The following DNAH3 variants were observed in gnomAD, a reference collection of about 807,000 sequenced individuals.
DNAH3 encodes the protein dynein axonemal heavy chain 3.
Under a neutral mutation model 432.5 loss-of-function variants are expected in DNAH3, and 332 were observed. That is an observed-to-expected ratio of 0.77 (90% confidence interval 0.70 to 0.84). The LOEUF (loss-of-function observed/expected upper bound fraction) is 0.84. DNAH3 is among the 40% of genes least tolerant of loss of function. DNAH3 has a pLI of 0.00. For missense variants in DNAH3, 4,861 were observed against 5,114.0 expected (o/e 0.95, Z 1.51); for synonymous variants, 1,956 against 1,900.2 (o/e 1.03, Z -0.76).
intron 44 of DNAH3, among the ~76,000 whole-genome samples, chr16:20,989,462 T>C (rs1167343530): frequency 1.3e-5 from 2 of 152,108 alleles, no homozygotes; most frequent in African/African-American, 2.4e-5. Context: ...GAGTGTCGAT[T>C]GGTGCACTCA....
rs750528809 is a variant in DNAH3 at position 21,060,376 on chromosome 16, G to A, written c.3721-20C>T. ...CATGCCCTATGGAGCAAGACAGAGA[G>A]AGGGTGCAGCAGTCAACCAAAGCCC... On this transcript the variant is annotated intron_variant, in intron 25 of 61. Transcript: ENST00000261383. 4 of 1,604,036 alleles carry A rather than the reference G, an allele frequency of 2.5e-6. No homozygotes were observed. Among genetic ancestry groups the A allele is most frequent in the Non-Finnish European group, 2.6e-6 (3 of 1,171,536 alleles).
At chr16:21,129,789 G>A (rs149961304) in intron 7 of DNAH3, among the ~76,000 whole-genome samples, 1 of 151,902 alleles carries the variant, frequency 6.6e-6, no homozygotes, top group Non-Finnish European at 1.5e-5. Context: ...CCCATTAGTG[G>A]ACAGGGGTAG....
intron 11 of DNAH3, among the ~76,000 whole-genome samples, chr16:21,118,812 T>A (rs2092268410): frequency 6.6e-6 from 1 of 152,116 alleles, no homozygotes; most frequent in Admixed American, 6.5e-5. Flanking sequence ...ATGGCACGTG[T>A]GTGTCTCTGA....
intron 17 of DNAH3, among the ~76,000 whole-genome samples, 178 bp downstream of exon 17, chr16:21,098,438 C>CAAAAAAAAAAAAAAAAA (rs57032212): frequency 6.4e-5 from 4 of 62,862 alleles, no homozygotes; most frequent in Non-Finnish European, 1.1e-4. Context: ...GACCTTGTCT[C>CAAAAAAAAAAAAAAAAA]AAAAAAAAAA....
At chr16:21,028,351 C>A (rs2088681339) in intron 37 of DNAH3, among the ~76,000 whole-genome samples, 2 of 151,936 alleles carry the variant, frequency 1.3e-5, no homozygotes, top group African/African-American at 4.8e-5. Context: ...GCCCATAAAT[C>A]TTTTTTAGAA....
chr16:21,029,878 A>C (rs976426420), intron 37 of DNAH3, among the ~76,000 whole-genome samples: 1 of 152,168 alleles, frequency 6.6e-6, no homozygotes, highest in East Asian at 1.9e-4. Context: ...AGCTTGGAGC[A>C]CAGTGGCACA....
intron 41 of DNAH3, among the ~76,000 whole-genome samples, chr16:21,013,687 C>A (rs1020441795): frequency 5.7e-5 from 8 of 140,996 alleles, no homozygotes; most frequent in Non-Finnish European, 1.1e-4. Context: ...CCATTGCACT[C>A]CAGCCTGGGC....
intron 41 of DNAH3, among the ~76,000 whole-genome samples, chr16:21,013,314 G>A (rs2087696828): frequency 6.7e-6 from 1 of 149,714 alleles, no homozygotes; most frequent in Non-Finnish European, 1.5e-5. Flanking sequence ...TGGATCACTT[G>A]AGTCCAGGAG....
chr16:20,973,871 G>A lies in DNAH3; in HGVS notation c.8259+1362C>T, dbSNP rs368671233. ...AGCCATGTGGATATCAAAAGGAAGG[G>A]CATTCTGTGTAGAGGGAACAGCCAG... is the stretch of plus-strand genomic sequence containing the variant. On this transcript the variant is annotated intron_variant, in intron 51 of 61. Transcript: ENST00000261383. Among the ~76,000 whole-genome samples the A allele has an allele frequency of 1.2e-3, 183 of 152,328 alleles. 6 individuals are homozygous for A. The South Asian group carries it at 0.035, about 29-fold the overall frequency.
rs568000107 is a variant in DNAH3 at position 20,991,264 on chromosome 16, CT to C, written c.6602-3200del. On this transcript the variant is annotated intron_variant, in intron 44 of 61. Transcript: ENST00000261383. ...TCTGCCAGTTAAAACAACCACATGC[CT>C]TTTTTTTTTTCTTTTCTGAGATGGA... Among the ~76,000 whole-genome samples the C allele has an allele frequency of 9.7e-3, 1,408 of 145,736 alleles. 24 individuals are homozygous for C. The highest frequency in any genetic ancestry group is 0.041 in the South Asian group (189 of 4,558).
chr16:21,042,268 G>A lies in DNAH3; in HGVS notation c.4462-65C>T, dbSNP rs1044107454. On this transcript the variant is annotated intron_variant, in intron 31 of 61. Coordinates refer to ENST00000261383, the Ensembl canonical transcript of DNAH3. ...TGTCTGACAACCACCCTACTCTACC[G>A]GAGTCCTCCCACATAGCAAAGAAAG... 39 of 1,479,504 alleles carry A rather than the reference G, an allele frequency of 2.6e-5. No homozygotes were observed. The Admixed American group carries it at 7.3e-4, about 28-fold the overall frequency. The allele number at this position is 1,479,504 out of a possible 1,614,324, so 91.6% of individuals were successfully genotyped here. A position where few individuals can be genotyped will look rare whatever the true frequency, so the allele number is the denominator to read the frequency against.
intron 58 of DNAH3, among the ~76,000 whole-genome samples, chr16:20,943,870 G>A (rs2083922917): frequency 6.6e-6 from 1 of 152,064 alleles, no homozygotes; most frequent in Non-Finnish European, 1.5e-5. Context: ...TGTAGTCCCA[G>A]CTACTCGGGA....
At chr16:20,974,799 C>G (rs898476302) in intron 51 of DNAH3, among the ~76,000 whole-genome samples, 1 of 150,850 alleles carries the variant, frequency 6.6e-6, no homozygotes, top group African/African-American at 2.4e-5. Context: ...CTATGTGATG[C>G]TGGGAGAGTC....
At position 20,997,473 on chromosome 16, in the gene DNAH3, A is replaced by C. The variant is rs1269900742; in HGVS notation, c.6422-11T>G. ...GCATGTTGAGGTCATCTGGGGAAAG[A>C]AACCACAGATACAGCCATTGCAAGT... On this transcript the variant is annotated splice_polypyrimidine_tract_variant and intron_variant, in intron 43 of 61. Transcript: ENST00000261383. 1 of 1,613,410 alleles carries C rather than the reference A, an allele frequency of 6.2e-7. No individual in the cohort carries two copies. Among genetic ancestry groups the C allele is most frequent in the Non-Finnish European group, 8.5e-7 (1 of 1,179,676 alleles).
rs2092709639 is a variant in DNAH3 at position 21,140,862 on chromosome 16, A to G, written c.522-152T>C. The G allele has an allele frequency of 7.9e-6, 5 of 634,108 alleles. 1 individual carries two copies. The South Asian group carries it at 1.1e-4, about 14-fold the overall frequency. The allele number at this position is 634,108 out of a possible 1,614,324, so 39.3% of individuals were successfully genotyped here. A position where few individuals can be genotyped will look rare whatever the true frequency, so the allele number is the denominator to read the frequency against. ...AATGGCATGTGTGTATACTTCCAAG[A>G]TGACCCTAATGACTGAACACCTCAT... On this transcript the variant is annotated intron_variant, in intron 4 of 61. Coordinates refer to ENST00000261383, the Ensembl canonical transcript of DNAH3.
chr16:21,069,572 C>A (rs577456196), exon 23 of DNAH3: 17 of 1,608,902 alleles, frequency 1.1e-5, no homozygotes, highest in Non-Finnish European at 1.4e-5. Flanking sequence ...GTCTTGTATG[C>A]GAATTAGCTT....
intron 57 of DNAH3, among the ~76,000 whole-genome samples, chr16:20,946,885 T>C (rs2152572365): frequency 7.4e-6 from 1 of 135,568 alleles, no homozygotes; most frequent in African/African-American, 2.8e-5. Context: ...AGTGCAGTGG[T>C]GGGACCTTGG....
chr16:21,138,346 T>G (rs2152826768), intron 5 of DNAH3, among the ~76,000 whole-genome samples: 1 of 151,736 alleles, frequency 6.6e-6, no homozygotes, highest in Non-Finnish European at 1.5e-5. Flanking sequence ...AACAGGGGAG[T>G]ATTGCAAAGC....
intron 28 of DNAH3, 69 bp from the exon 29 acceptor site, chr16:21,051,937 A>C: frequency 7.8e-7 from 1 of 1,282,590 alleles, no homozygotes; most frequent in Non-Finnish European, 1.1e-6. Flanking sequence ...TAAGCTCCTC[A>C]GTTACAAGTG....
Sources: allele counts gnomAD v4.1 joint callset (sites outside exome capture counted in the v4.1 genomes callset), GRCh38; gene constraint gnomAD v4.1.1; transcripts MANE v1.5; gene names NCBI Gene and HGNC (gene_info 2026-07-23, HGNC 2026-07-21).